The following IQCE variants were observed in gnomAD, a reference collection of about 807,000 sequenced individuals.
IQCE encodes IQ motif containing E, also known as IQ domain-containing protein E.
A neutral mutation model predicts 96.0 loss-of-function variants in IQCE; 115 were observed. That is an observed-to-expected ratio of 1.20 (90% CI 1.03 to 1.40). The LOEUF (loss-of-function observed/expected upper bound fraction) is 1.40. Ranked by LOEUF, IQCE falls within the 40% of genes most tolerant of loss-of-function variation. IQCE has a pLI of 0.00. For synonymous variants in IQCE, 412 were observed against 371.2 expected, an observed-to-expected ratio of 1.11 and a Z score of -1.26; for missense variants, 1,041 against 909.1, an observed-to-expected ratio of 1.15 and a Z score of -1.87.
intron 1 of IQCE, among the ~76,000 whole-genome samples, chr7:2,563,461 G>C (rs1781126781): frequency 6.6e-6 from 1 of 151,798 alleles, no homozygotes; most frequent in Non-Finnish European, 1.5e-5. Flanking sequence ...CCTGGGCTTT[G>C]AGTCCCAAAG....
At chr7:2,595,167 C>T (rs1783926043) in intron 16 of IQCE, among the ~76,000 whole-genome samples, 191 bp downstream of exon 16, 1 of 152,198 alleles carries the variant, frequency 6.6e-6, no homozygotes, top group Non-Finnish European at 1.5e-5. Flanking sequence ...AATTGACTGT[C>T]AGCAAATTGA....
intron 6 of IQCE, among the ~76,000 whole-genome samples, chr7:2,578,022 G>A (rs1782320819): frequency 2.0e-5 from 3 of 147,020 alleles, no homozygotes; most frequent in East Asian, 2.0e-4. Flanking sequence ...CTGTGCGCGC[G>A]GGGACGTGTG....
At chr7:2,596,689 G>A (rs1195768095) in intron 16 of IQCE, among the ~76,000 whole-genome samples, 1 of 152,214 alleles carries the variant, frequency 6.6e-6, no homozygotes, top group East Asian at 1.9e-4. Flanking sequence ...GTAGTTGTGT[G>A]AGTAAATGTT....
Position 2,573,398 on chromosome 7 carries a change from ATTTG to A in IQCE, c.395-16_395-13del. 1 of 1,213,420 alleles carries A rather than the reference ATTTG, an allele frequency of 8.2e-7. No homozygotes were observed. Among genetic ancestry groups the A allele is most frequent in the Non-Finnish European group, 1.2e-6 (1 of 818,712 alleles). The allele number at this position is 1,213,420 out of a possible 1,614,324, so 75.2% of individuals were successfully genotyped here. On this transcript the variant is annotated splice_polypyrimidine_tract_variant and intron_variant, in intron 5 of 21. Transcript: ENST00000402050. ...TACTTTGTAGATAGTCTTTGAAACGATTTGTTTATGTTTCTCTAGGTCATGTCCC... is the reference window on the plus strand; with the variant it reads ...TACTTTGTAGATAGTCTTTGAAACGATTTATGTTTCTCTAGGTCATGTCCC...
chr7:2,598,999 C>A (rs150420068), intron 17 of IQCE, among the ~76,000 whole-genome samples: 2 of 152,312 alleles, frequency 1.3e-5, no homozygotes, highest in African/African-American at 4.8e-5. Flanking sequence ...CCTCACCTAA[C>A]GGCCCTTCCT....
At chr7:2,588,956 C>T (rs1036347684) in intron 13 of IQCE, among the ~76,000 whole-genome samples, 12 of 152,014 alleles carry the variant, frequency 7.9e-5, no homozygotes, top group African/African-American at 1.9e-4. Flanking sequence ...TGAGCCACCG[C>T]GCCTGGCCTG....
intron 8 of IQCE, among the ~76,000 whole-genome samples, chr7:2,580,853 C>T (rs912536490): frequency 2.0e-5 from 3 of 152,104 alleles, no homozygotes; most frequent in East Asian, 1.9e-4. Flanking sequence ...GGCACGCAAG[C>T]GGAAACAGGA....
chr7:2,607,235 C>T lies in IQCE; in HGVS notation c.1969+8C>T. 6.2e-7 allele frequency: 1 copy of T among 1,613,742 alleles called. No individual in the cohort carries two copies. Among genetic ancestry groups the T allele is most frequent in the Non-Finnish European group, 8.5e-7 (1 of 1,179,830 alleles). ...TCCTCGCAGCTCTTCCTGGTAATTT[C>T]ATTCATTTGGATTCTGGCACCAGGG... On this transcript the variant is annotated splice_region_variant and intron_variant, in intron 21 of 21. Transcript: ENST00000402050.
chr7:2,605,360 C>G (rs1784727097), intron 19 of IQCE, among the ~76,000 whole-genome samples: 1 of 152,224 alleles, frequency 6.6e-6, no homozygotes. Context: ...GTGGCTCACA[C>G]CTGTAATCCC....
At chr7:2,559,781 G>GGGGGGGGGGGA (rs1780795306) in intron 1 of IQCE, among the ~76,000 whole-genome samples, 1 of 78,592 alleles carries the variant, frequency 1.3e-5, no homozygotes, top group Non-Finnish European at 2.9e-5. Flanking sequence ...GGGGGGGGGG[G>GGGGGGGGGGGA]GCGGAGGGAC....
intron 1 of IQCE, among the ~76,000 whole-genome samples, chr7:2,562,745 C>T (rs1781058907): frequency 6.6e-6 from 1 of 151,434 alleles, no homozygotes; most frequent in Non-Finnish European, 1.5e-5. Flanking sequence ...TTCATTTATT[C>T]ACTGTAATTT....
At chr7:2,599,151 C>T (rs959449733) in intron 17 of IQCE, among the ~76,000 whole-genome samples, 3 of 152,186 alleles carry the variant, frequency 2.0e-5, no homozygotes, top group African/African-American at 7.2e-5. Flanking sequence ...TTCACAGCAG[C>T]CCCCACCCTT....
At chr7:2,587,738 G>A in intron 12 of IQCE, 84 bp from the exon 13 acceptor site, 1 of 1,333,450 alleles carries the variant, frequency 7.5e-7, no homozygotes, top group Non-Finnish European at 1.1e-6. Flanking sequence ...TGCGGAAGAG[G>A]AGCCTCAGGC....
chr7:2,582,665 G>T lies in IQCE; in HGVS notation c.701+15G>T. The T allele has an allele frequency of 6.2e-7, 1 of 1,609,718 alleles. No individual in the cohort carries two copies. Among genetic ancestry groups the T allele is most frequent in the South Asian group, 1.1e-5 (1 of 90,756 alleles). ...GGCACCATCAGGTGGGCGCAGGGCT[G>T]CACCCTCTCCCCTGCCTTCCGCCCC... On this transcript the variant is annotated intron_variant, in intron 9 of 21. Transcript: ENST00000402050.
Position 2,571,559 on chromosome 7 carries a change from C to A in IQCE, c.164C>A (p.Ala55Asp). The change falls in exon 4 of 22, where the codon GCC (alanine) becomes GAC (aspartate). Residue 55 changes from alanine to aspartate, a missense_variant. Physicochemically the swap from Ala to Asp is moderately radical, Grantham distance 126 (BLOSUM62 -2). Transcript: ENST00000402050. ...TATCTCTCTAAGCCGAGAAAAGTGG[C>A]CTCCTGGAGGTCCCTCAGGACGGCA... ...SPYLSKPRKV[A>D]SWRSLRTAGS... 4 of 1,605,842 alleles carry A rather than the reference C, an allele frequency of 2.5e-6. No individual in the cohort carries two copies. Among genetic ancestry groups the A allele is most frequent in the Non-Finnish European group, 2.5e-6 (3 of 1,179,972 alleles).
intron 6 of IQCE, among the ~76,000 whole-genome samples, chr7:2,575,530 G>GTCCCTCT: frequency 6.6e-6 from 1 of 152,228 alleles, no homozygotes; most frequent in Non-Finnish European, 1.5e-5. Context: ...CTCCTCTGGA[G>GTCCCTCT]CCCCACCAGT....
At chr7:2,578,627 C>A in intron 8 of IQCE, 101 bp downstream of exon 8, 1 of 1,316,872 alleles carries the variant, frequency 7.6e-7, no homozygotes, top group Non-Finnish European at 1.1e-6. Flanking sequence ...GCGTGAAGAG[C>A]AGCAGGCAGG....
chr7:2,573,381 A>T, intron 5 of IQCE, 37 bp from the exon 6 acceptor site: 2 of 952,082 alleles, frequency 2.1e-6, no homozygotes, highest in Non-Finnish European at 3.4e-6. Flanking sequence ...TCTACTTTGT[A>T]GATAGTCTTT....
intron 19 of IQCE, 36 bp from the exon 20 acceptor site, chr7:2,605,840 C>A: frequency 6.6e-7 from 1 of 1,511,844 alleles, no homozygotes; most frequent in Non-Finnish European, 8.9e-7. Context: ...AGGGGGCTGC[C>A]AAACAGTCGT....
Sources: gnomAD v4.1 joint callset for allele counts (sites outside exome capture counted in the v4.1 genomes callset) on GRCh38, gnomAD v4.1.1 for gene constraint, MANE v1.5 for transcripts, NCBI Gene and HGNC (gene_info 2026-07-23, HGNC 2026-07-21) for gene names.